The following PCDH7 variants were observed in gnomAD, a reference collection of about 807,000 sequenced individuals.
PCDH7 encodes protocadherin-7.
A neutral mutation model predicts 58.9 loss-of-function variants in PCDH7; 17 were observed. That is an observed-to-expected ratio of 0.29 (90% CI 0.20 to 0.43). The LOEUF (loss-of-function observed/expected upper bound fraction) is 0.43. PCDH7 is among the 20% of genes least tolerant of loss of function. The pLI is 1.00. For synonymous variants in PCDH7, 664 were observed against 616.4 expected, an observed-to-expected ratio of 1.08 and a Z score of -1.14; for missense variants, 1,274 against 1,441.0, an observed-to-expected ratio of 0.88 and a Z score of 1.88.
At chr4:31,058,575 T>A (rs868726583) in intron 3 of PCDH7, among the ~76,000 whole-genome samples, 12 of 152,024 alleles carry the variant, frequency 7.9e-5, no homozygotes, top group African/African-American at 2.9e-4. Context: ...TTTTATTACT[T>A]TATTTAATGA....
chr4:31,090,591 T>C (rs1713109243), intron 3 of PCDH7, among the ~76,000 whole-genome samples: 1 of 152,096 alleles, frequency 6.6e-6, no homozygotes, highest in Admixed American at 6.6e-5. Context: ...CAAACAAATA[T>C]TTGTAAAAAG....
At chr4:31,066,692 T>G (rs936008805) in intron 3 of PCDH7, among the ~76,000 whole-genome samples, 7 of 151,906 alleles carry the variant, frequency 4.6e-5, no homozygotes, top group African/African-American at 1.7e-4. Context: ...GTTTAATATA[T>G]TTTGGTCATG....
At chr4:30,905,541 A>C (rs1294449362) in intron 1 of PCDH7, among the ~76,000 whole-genome samples, 1 of 152,126 alleles carries the variant, frequency 6.6e-6, no homozygotes, top group African/African-American at 2.4e-5. Flanking sequence ...ATTAATCCAC[A>C]CTTTGCCCAA....
intron 3 of PCDH7, among the ~76,000 whole-genome samples, chr4:31,014,733 T>C (rs2109158023): frequency 6.6e-6 from 1 of 152,324 alleles, no homozygotes. Flanking sequence ...TGTACTTTTC[T>C]TAAATGATAT....
intron 3 of PCDH7, among the ~76,000 whole-genome samples, chr4:30,961,671 T>A (rs1288480475): frequency 6.6e-6 from 1 of 152,230 alleles, no homozygotes. Flanking sequence ...CTTGTTTTTA[T>A]TATTTAAAAA....
chr4:30,799,854 T>C (rs1725293050), intron 1 of PCDH7, among the ~76,000 whole-genome samples: 1 of 151,324 alleles, frequency 6.6e-6, no homozygotes, highest in Non-Finnish European at 1.5e-5. Context: ...TTTATGAATA[T>C]CACTTTTTTT....
intron 3 of PCDH7, among the ~76,000 whole-genome samples, chr4:30,985,257 C>T (rs1750873949): frequency 6.6e-6 from 1 of 152,068 alleles, no homozygotes; most frequent in Non-Finnish European, 1.5e-5. Context: ...ATGCTCGGCC[C>T]TTATATTTCA....
intron 3 of PCDH7, among the ~76,000 whole-genome samples, chr4:31,056,530 GA>G: frequency 7.4e-6 from 1 of 134,400 alleles, no homozygotes; most frequent in East Asian, 2.2e-4. Context: ...GAAGGGAAGG[GA>G]AGGAAGGAGA....
At chr4:30,749,656 T>A (rs1342556065) in intron 1 of PCDH7, among the ~76,000 whole-genome samples, 4 of 152,192 alleles carry the variant, frequency 2.6e-5, no homozygotes. Flanking sequence ...GATGATTGAC[T>A]GTATCACTTA....
At chr4:30,828,821 C>T (rs1729420969) in intron 1 of PCDH7, among the ~76,000 whole-genome samples, 1 of 151,766 alleles carries the variant, frequency 6.6e-6, no homozygotes, top group African/African-American at 2.4e-5. Context: ...TTGCCTTTAC[C>T]TTGGCCCTGA....
chr4:30,722,096 G>T lies in PCDH7; in HGVS notation c.674G>T (p.Arg225Leu), dbSNP rs1713691393. ...GGCGGCTCGGGAGGCTCCAAGCGGC[G>T]GCTGGACGCATCAGAGGGCGGCGGC... The change falls in exon 1 of 2, where the codon CGG becomes CTG. Residue 225 changes from arginine to leucine, a missense_variant. Transcript: ENST00000361762. This position sits in a 1 kb window ranked among gnomAD's most constrained non-coding sequence, Gnocchi z 7.6. The T allele has an allele frequency of 7.4e-7, 1 of 1,354,332 alleles. No individual in the cohort carries two copies. Among genetic ancestry groups the T allele is most frequent in the South Asian group, 1.8e-5 (1 of 55,260 alleles). 83.9% of individuals were successfully genotyped at this position (1,354,332 alleles called of 1,614,324 possible). A position where few individuals can be genotyped will look rare whatever the true frequency, so the allele number is the denominator to read the frequency against.
At chr4:31,092,173 G>C in intron 3 of PCDH7, among the ~76,000 whole-genome samples, 1 of 151,872 alleles carries the variant, frequency 6.6e-6, no homozygotes, top group Non-Finnish European at 1.5e-5. Flanking sequence ...TATATACATA[G>C]TCTAAAATGT....
intron 3 of PCDH7, among the ~76,000 whole-genome samples, chr4:31,106,476 GA>G (rs1313098855): frequency 6.6e-6 from 1 of 152,200 alleles, no homozygotes; most frequent in African/African-American, 2.4e-5. Flanking sequence ...TGAGTGCGAT[GA>G]AGTGAGGTTT....
chr4:31,023,549 T>A (rs566624367), intron 3 of PCDH7, among the ~76,000 whole-genome samples: 1 of 152,300 alleles, frequency 6.6e-6, no homozygotes, highest in African/African-American at 2.4e-5. Flanking sequence ...TTTGCAGGAC[T>A]ATTGTTAGGA....
intron 1 of PCDH7, among the ~76,000 whole-genome samples, chr4:30,747,070 T>C (rs1717875593): frequency 6.6e-6 from 1 of 152,192 alleles, no homozygotes; most frequent in Non-Finnish European, 1.5e-5. Context: ...AATGCATTTT[T>C]TGAATTATTT....
In PCDH7 at chr4:31,074,506, G is replaced by T. The variant is rs116118597; in HGVS notation, c.*8-67967G>T. Among the ~76,000 whole-genome samples, 983 of 151,964 alleles carry T rather than the reference G, an allele frequency of 6.5e-3. 11 individuals carry two copies. Among genetic ancestry groups the T allele is most frequent in the African/African-American group, 0.023 (934 of 41,440 alleles). On this transcript the variant is annotated intron_variant, in intron 3 of 3. Coordinates refer to the PCDH7 transcript ENST00000509759. Reference sequence around the variant, plus strand: ...TGTTTGGTTAAAAGTTTCATTTATTGGCCAGACGACACAGTGGCTCACTCC... The same window carrying T: ...TGTTTGGTTAAAAGTTTCATTTATTTGCCAGACGACACAGTGGCTCACTCC...
chr4:31,094,967 A>G (rs959301865), intron 3 of PCDH7, among the ~76,000 whole-genome samples: 3 of 152,158 alleles, frequency 2.0e-5, no homozygotes, highest in African/African-American at 7.2e-5. Flanking sequence ...TGATGGCCCA[A>G]CTGGTAATCT....
At chr4:30,769,107 T>A (rs1455672060) in intron 1 of PCDH7, among the ~76,000 whole-genome samples, 1 of 152,246 alleles carries the variant, frequency 6.6e-6, no homozygotes, top group Admixed American at 6.5e-5. Flanking sequence ...TCCTTTCTGA[T>A]AAGTTTCTCC....
chr4:30,924,791 A>G (rs1240901710), intron 2 of PCDH7, among the ~76,000 whole-genome samples: 2 of 148,770 alleles, frequency 1.3e-5, no homozygotes, highest in African/African-American at 5.0e-5. Flanking sequence ...TTACTTAACA[A>G]TGTGAACTTT....
Sources: allele counts gnomAD v4.1 joint callset (sites outside exome capture counted in the v4.1 genomes callset), GRCh38; gene constraint gnomAD v4.1.1; non-coding constraint Gnocchi (gnomAD v3.1); transcripts MANE v1.5; gene names NCBI Gene and HGNC (gene_info 2026-07-23, HGNC 2026-07-21).